The following HINT2 variants were observed in gnomAD, a reference collection of about 807,000 sequenced individuals.
HINT2 encodes the protein adenosine 5'-monophosphoramidase HINT2.
A neutral mutation model predicts 20.0 loss-of-function variants in HINT2; 17 were observed. The observed-to-expected ratio is 0.85, with a 90% CI of 0.58 to 1.27. The LOEUF is 1.27. Ranked by LOEUF, HINT2 falls within the 50% of genes most tolerant of loss-of-function variation. The pLI is 0.00. For missense variants in HINT2, 217 were observed against 211.9 expected (o/e 1.02, Z -0.15); for synonymous variants, 96 against 84.2 (o/e 1.14, Z -0.77).
chr9:35,813,839 A>G, intron 1 of HINT2, 55 bp from the exon 2 acceptor site: 1 of 1,551,176 alleles, frequency 6.4e-7, no homozygotes. Context: ...CTGGGCTCTG[A>G]TAGTTGTTAA....
At chr9:35,814,637 G>A (rs1828967363) in intron 1 of HINT2, 3 of 451,842 alleles carry the variant, frequency 6.6e-6, no homozygotes, top group Non-Finnish European at 1.2e-5. Flanking sequence ...CTGGGCTGCA[G>A]GCAGTGGAAA....
chr9:35,813,599 G>C (rs1434493719), intron 2 of HINT2, 45 bp downstream of exon 2: 1 of 1,613,954 alleles, frequency 6.2e-7, no homozygotes. Flanking sequence ...AGGTTGGATG[G>C]TATCTACAAC....
At chr9:35,814,546 T>C (rs1828964556) in intron 1 of HINT2, 1 of 257,782 alleles carries the variant, frequency 3.9e-6, no homozygotes, top group Non-Finnish European at 7.4e-6. Context: ...TAGTGCTCAT[T>C]AGGAGGCCAG....
At chr9:35,813,169 G>C in intron 4 of HINT2, 24 bp from the exon 5 acceptor site, 2 of 1,613,566 alleles carry the variant, frequency 1.2e-6, no homozygotes, top group Non-Finnish European at 1.7e-6. Context: ...TGGGGTTAGG[G>C]AGTCAGGATC....
At chr9:35,814,046 T>A (rs933773941) in intron 1 of HINT2, 1 of 425,174 alleles carries the variant, frequency 2.4e-6, no homozygotes, top group African/African-American at 2.0e-5. Flanking sequence ...AGGGAAAGGA[T>A]CTAGAATGAG....
At chr9:35,814,763 C>A in intron 1 of HINT2, 136 bp downstream of exon 1, 3 of 730,968 alleles carry the variant, frequency 4.1e-6, no homozygotes, top group South Asian at 4.2e-5. Context: ...ACCACACAGC[C>A]CCGGAGCTTG....
In HINT2 at chr9:35,813,727, T is replaced by C. The variant is rs759104993; in HGVS notation, c.139A>G (p.Thr47Ala). 1.1e-5 allele frequency: 17 copies of C among 1,613,854 alleles called. No homozygotes were observed. The highest frequency in any genetic ancestry group is 3.3e-4 in the Middle Eastern group (2 of 6,056). ...ATGGTTGGGGCTGCTCCCCCAGGAG[T>C]TGCCTGCTGGGCCTTGGCCACTTCA... ...GNEVAKAQQA[T>A]PGGAAPTIFS... The change falls in exon 2 of 5, where the codon ACT becomes GCT. Residue 47 changes from threonine (T) to alanine (A), a missense_variant. Coordinates refer to ENST00000259667, the MANE Select transcript of HINT2 (RefSeq NM_032593.3).
In HINT2 at chr9:35,812,966, G is replaced by A. The variant is rs1408042941; in HGVS notation, c.*88C>T. 2.0e-6 allele frequency: 2 copies of A among 999,398 alleles called. No homozygotes were observed. The highest frequency in any genetic ancestry group is 2.4e-5 in the East Asian group (1 of 42,100). 61.9% of individuals were successfully genotyped at this position (999,398 alleles called of 1,614,324 possible). On this transcript the variant is annotated 3_prime_UTR_variant, in exon 5 of 5. Transcript: ENST00000259667. ...TAAAGACAGGAGAGCATAATTAAGG[G>A]AGAACAGTTTTATTAGCATCACAGG...
At chr9:35,814,563 G>A (rs539773269) in intron 1 of HINT2, 1 of 303,260 alleles carries the variant, frequency 3.3e-6, no homozygotes, top group African/African-American at 2.2e-5. Context: ...CCAGAAGCCT[G>A]AGGAGGGCAG....
intron 1 of HINT2, chr9:35,814,447 G>A (rs1055729358): frequency 6.3e-6 from 1 of 158,850 alleles, no homozygotes; most frequent in African/African-American, 2.4e-5. Flanking sequence ...GAAGGCTGAT[G>A]TCATTGCATC....
Position 35,813,430 on chromosome 9 carries a change from C to T in HINT2, c.327+15G>A. The stretch of plus-strand genomic sequence containing the variant: ...GGGGCTCCTCCCAGCCAAACCCTGG[C>T]CCTGTTCTTCCCACCTGCTGGTCTT... On this transcript the variant is annotated intron_variant, in intron 3 of 4. Coordinates refer to ENST00000259667, the MANE Select transcript of HINT2 (RefSeq NM_032593.3). 1 of 1,613,892 alleles carries T rather than the reference C, an allele frequency of 6.2e-7. No homozygotes were observed. Among genetic ancestry groups the T allele is most frequent in the Non-Finnish European group, 8.5e-7 (1 of 1,179,774 alleles).
chr9:35,813,949 C>T (rs917458256), intron 1 of HINT2, 165 bp from the exon 2 acceptor site: 14 of 695,794 alleles, frequency 2.0e-5, no homozygotes, highest in Non-Finnish European at 3.1e-5. Context: ...AGGTGCTGGA[C>T]CTGGTTAGAT....
chr9:35,813,477 G>A lies in HINT2; in HGVS notation c.295C>T (p.Arg99Trp), dbSNP rs373351975. The A allele has an allele frequency of 3.5e-5, 57 of 1,614,158 alleles. No homozygotes were observed. The highest frequency in any genetic ancestry group is 1.6e-4 in the Middle Eastern group (1 of 6,062). ...TCTTCTTCTTCAGCCTGGCTAATCC[G>A]AGGAATGGGCTTCTTAGGAATGACC... ...FLVIPKKPIP[R>W]ISQAEEEDQQ... is the part of the protein sequence containing the mutation. The change falls in exon 3 of 5, where the codon CGG (arginine) becomes TGG (tryptophan). Residue 99 changes from arginine to tryptophan, a missense_variant. Physicochemically the swap from Arg to Trp is moderately radical, Grantham distance 101. Coordinates refer to ENST00000259667, the MANE Select transcript of HINT2 (RefSeq NM_032593.3).
chr9:35,813,821 G>A (rs1418962349), intron 1 of HINT2, 37 bp from the exon 2 acceptor site: 1 of 1,583,262 alleles, frequency 6.3e-7, no homozygotes, highest in South Asian at 1.1e-5. Context: ...GGAGGGAGCT[G>A]GCAGAAGCTG....
chr9:35,814,850 G>A, intron 1 of HINT2, 49 bp downstream of exon 1: 2 of 1,439,616 alleles, frequency 1.4e-6, no homozygotes, highest in Non-Finnish European at 1.8e-6. Flanking sequence ...GGCCCCGGAT[G>A]GCTTCGGAGC....
Position 35,814,937 on chromosome 9 carries a change from G to T in HINT2, c.43C>A (p.Arg15Ser). The T allele has an allele frequency of 6.7e-7, 1 of 1,485,922 alleles. No homozygotes were observed. The highest frequency in any genetic ancestry group is 8.9e-7 in the Non-Finnish European group (1 of 1,125,640). The allele number at this position is 1,485,922 out of a possible 1,614,324, so 92.0% of individuals were successfully genotyped here. Residue 15 changes from arginine to serine, a missense_variant, in exon 1 of 5, where the codon CGC becomes AGC. Arg to Ser is a moderately radical substitution (Grantham distance 110). Coordinates refer to ENST00000259667, the MANE Select transcript of HINT2 (RefSeq NM_032593.3). ...ACCCCCGTGGCCGCCACGGCTCTGC[G>T]CGCCGCGCGCAACCCAGCAGCCAGC... ...VVLAAGLRAA[R>S]RAVAATGVRG...
At position 35,812,996 on chromosome 9, in the gene HINT2, AT is replaced by A; in HGVS notation, c.*57del. ...CAGTTTTATTAGCATCACAGGGTCC[AT>A]TTTTCCCTTTCCATCCAAGCATCCA... On this transcript the variant is annotated 3_prime_UTR_variant, in exon 5 of 5. Coordinates refer to ENST00000259667, the MANE Select transcript of HINT2 (RefSeq NM_032593.3). 6 of 1,339,822 alleles carry A rather than the reference AT, an allele frequency of 4.5e-6. No individual in the cohort carries two copies. Among genetic ancestry groups the A allele is most frequent in the Non-Finnish European group, 6.5e-6 (6 of 929,752 alleles). The allele number at this position is 1,339,822 out of a possible 1,614,324, so 83.0% of individuals were successfully genotyped here. A position where few individuals can be genotyped will look rare whatever the true frequency, so the allele number is the denominator to read the frequency against.
At chr9:35,813,599 G>A in intron 2 of HINT2, 45 bp downstream of exon 2, 1 of 1,613,954 alleles carries the variant, frequency 6.2e-7, no homozygotes, top group Non-Finnish European at 8.5e-7. Context: ...AGGTTGGATG[G>A]TATCTACAAC....
chr9:35,813,643 C>T lies in HINT2; in HGVS notation c.222+1G>A, dbSNP rs774076152. 4 of 1,614,202 alleles carry T rather than the reference C, an allele frequency of 2.5e-6. No individual in the cohort carries two copies. Among genetic ancestry groups the T allele is most frequent in the African/African-American group, 1.3e-5 (1 of 75,044 alleles). On this transcript the variant is annotated splice_donor_variant, in intron 2 of 4. Coordinates refer to ENST00000259667, the MANE Select transcript of HINT2 (RefSeq NM_032593.3). LOFTEE classifies it high-confidence loss of function. ...GGGGATAGGTCCTAAGAGCACCCCA[C>T]CTGCTGGTCCTCATAGAGAATGTCA...
Sources: allele counts gnomAD v4.1 joint callset, GRCh38; gene constraint gnomAD v4.1.1; transcripts MANE v1.5; gene names NCBI Gene and HGNC (gene_info 2026-07-23, HGNC 2026-07-21).